Variants in ARHGAP26 observed in about 807,000 individuals in gnomAD.
ARHGAP26 encodes rho GTPase-activating protein 26.
ARHGAP26 carries 38 observed loss-of-function variants against 104.8 expected under a neutral mutation model. The ratio of observed to expected loss-of-function variants is 0.36; its 90% CI spans 0.28 to 0.48. The LOEUF (loss-of-function observed/expected upper bound fraction) is 0.48. Among genes scored for constraint, ARHGAP26 ranks in the 20% least tolerant of loss-of-function variants. The pLI, the probability that ARHGAP26 is intolerant of heterozygous loss-of-function variation, is 0.99. For missense variants in ARHGAP26, 704 were observed against 947.9 expected (o/e 0.74, Z 3.38); for synonymous variants, 341 against 340.0 (o/e 1.00, Z -0.03).
intron 17 of ARHGAP26, among the ~76,000 whole-genome samples, chr5:143,096,601 C>T (rs1219086818): frequency 6.6e-6 from 1 of 152,068 alleles, no homozygotes; most frequent in Non-Finnish European, 1.5e-5. Context: ...ACCTTTCCTC[C>T]TTCGTTATTA....
chr5:142,828,944 CG>C (rs1418046228), intron 1 of ARHGAP26, among the ~76,000 whole-genome samples: 1 of 152,182 alleles, frequency 6.6e-6, no homozygotes, highest in Non-Finnish European at 1.5e-5. Flanking sequence ...AGAAGGCCTG[CG>C]TATCTGTTTC....
At chr5:142,816,025 T>C (rs1765062551) in intron 1 of ARHGAP26, among the ~76,000 whole-genome samples, 1 of 152,068 alleles carries the variant, frequency 6.6e-6, no homozygotes, top group Non-Finnish European at 1.5e-5. Context: ...CTCAAACTCC[T>C]GGGCTGAAGC....
intron 11 of ARHGAP26, among the ~76,000 whole-genome samples, chr5:142,957,710 T>C (rs971338560): frequency 6.6e-6 from 1 of 152,244 alleles, no homozygotes; most frequent in Non-Finnish European, 1.5e-5. Context: ...CTGCTTTTTA[T>C]AGAAAGTGCT....
chr5:143,128,887 A>G (rs532286191), intron 18 of ARHGAP26, among the ~76,000 whole-genome samples: 2 of 152,306 alleles, frequency 1.3e-5, no homozygotes, highest in South Asian at 4.1e-4. Context: ...GTAGACTAGG[A>G]GCTCTTCGTC....
intron 22 of ARHGAP26, among the ~76,000 whole-genome samples, chr5:143,221,923 T>TGGAA (rs35244313): frequency 0.025 from 3,759 of 150,276 alleles, 79 homozygotes; most frequent in African/African-American, 0.06. Context: ...GGTGGATGGA[T>TGGAA]GGAAGGAAGG....
At chr5:143,032,453 C>G (rs1267228286) in intron 12 of ARHGAP26, among the ~76,000 whole-genome samples, 5 of 152,164 alleles carry the variant, frequency 3.3e-5, no homozygotes, top group Admixed American at 3.3e-4. Flanking sequence ...ACAGAAATTG[C>G]TAATAAATCC....
At chr5:143,079,358 C>G (rs1789484868) in intron 17 of ARHGAP26, among the ~76,000 whole-genome samples, 1 of 152,318 alleles carries the variant, frequency 6.6e-6, no homozygotes, top group East Asian at 1.9e-4. Flanking sequence ...TTCTCTGTTT[C>G]CAGCGTCCTC....
At chr5:142,866,117 C>G (rs1754239787) in intron 1 of ARHGAP26, among the ~76,000 whole-genome samples, 1 of 151,948 alleles carries the variant, frequency 6.6e-6, no homozygotes, top group Admixed American at 6.6e-5. Context: ...TTTTTGTCTA[C>G]TCTCTGATTG....
intron 12 of ARHGAP26, among the ~76,000 whole-genome samples, chr5:143,032,613 T>C (rs1209684052): frequency 2.0e-5 from 3 of 152,148 alleles, no homozygotes; most frequent in Non-Finnish European, 2.9e-5. Flanking sequence ...AACCTTTTAG[T>C]GGGAATTTGC....
intron 11 of ARHGAP26, among the ~76,000 whole-genome samples, chr5:142,990,100 G>A (rs1198154938): frequency 2.6e-5 from 4 of 152,176 alleles, no homozygotes; most frequent in Non-Finnish European, 5.9e-5. Flanking sequence ...CCAATCAGAT[G>A]TAGATTTGGT....
At chr5:143,094,943 A>G (rs1333364139) in intron 17 of ARHGAP26, among the ~76,000 whole-genome samples, 1 of 152,206 alleles carries the variant, frequency 6.6e-6, no homozygotes, top group Non-Finnish European at 1.5e-5. Flanking sequence ...GTTTAAAAGT[A>G]GAAGGCAAAG....
intron 1 of ARHGAP26, among the ~76,000 whole-genome samples, chr5:142,833,359 C>A (rs1004086638): frequency 3.3e-5 from 5 of 151,936 alleles, no homozygotes; most frequent in African/African-American, 9.7e-5. Context: ...CTGTGCCTGG[C>A]CCTTTTATTC....
intron 22 of ARHGAP26, 84 bp from the exon 23 acceptor site, chr5:143,222,246 TACACACACACACACACACACACACACAC>T: frequency 2.1e-6 from 1 of 478,500 alleles, no homozygotes; most frequent in Non-Finnish European, 3.6e-6. Flanking sequence ...GCTTCCTTCA[TACACACACACACACACACACACACACAC>T]ACACACACAC....
intron 8 of ARHGAP26, among the ~76,000 whole-genome samples, chr5:142,904,525 G>GAAAAA (rs10667047): frequency 1.5e-4 from 22 of 142,082 alleles, no homozygotes; most frequent in African/African-American, 4.9e-4. Context: ...TCTCTTAAAA[G>GAAAAA]AAAAAAAAAA....
chr5:142,924,386 G>T (rs1763620189), intron 10 of ARHGAP26, among the ~76,000 whole-genome samples: 3 of 152,206 alleles, frequency 2.0e-5, no homozygotes, highest in Admixed American at 6.5e-5. Context: ...CTGGGTTCAA[G>T]TGCAGGCTTT....
intron 17 of ARHGAP26, among the ~76,000 whole-genome samples, chr5:143,087,448 T>C (rs558845015): frequency 6.6e-6 from 1 of 152,228 alleles, no homozygotes; most frequent in African/African-American, 2.4e-5. Flanking sequence ...CTAACCCTTT[T>C]GTTTACTCAT....
In ARHGAP26 at chr5:142,829,415, CATG is replaced by C. The variant is rs1767957785; in HGVS notation, c.155-43982_155-43980del. Among the ~76,000 whole-genome samples, 11 of 152,286 alleles carry C rather than the reference CATG, an allele frequency of 7.2e-5. No homozygotes were observed. In the South Asian group the frequency reaches 2.1e-3, roughly 29 times the overall value. ...AGTGGCCTTTTCCCCCTTAGTAGAT[CATG>C]ATAAGAGTGAGATCACCTTCTTTTC... is the stretch of plus-strand genomic sequence containing the variant. On this transcript the variant is annotated intron_variant, in intron 1 of 22. Coordinates refer to ENST00000645722, the MANE Select transcript of ARHGAP26 (RefSeq NM_001135608.3).
Position 143,223,654 on chromosome 5 carries a change from A to G in ARHGAP26, c.*1208A>G, listed in dbSNP as rs556371360. 3 of 231,378 alleles carry G rather than the reference A, an allele frequency of 1.3e-5. No individual in the cohort carries two copies. The South Asian group carries it at 5.4e-4, about 42-fold the overall frequency. 14.3% of individuals were successfully genotyped at this position (231,378 alleles called of 1,614,324 possible). A position where few individuals can be genotyped will look rare whatever the true frequency, so the allele number is the denominator to read the frequency against. On this transcript the variant is annotated 3_prime_UTR_variant, in exon 23 of 23. Coordinates refer to ENST00000645722, the MANE Select transcript of ARHGAP26 (RefSeq NM_001135608.3). ...CAAGGTTAATTCCTAGGCTAACCGT[A>G]TGGCCTATAGTTTAAAAGCACATCT...
intron 1 of ARHGAP26, among the ~76,000 whole-genome samples, chr5:142,849,989 G>A (rs1298346221): frequency 6.6e-6 from 1 of 152,132 alleles, no homozygotes; most frequent in African/African-American, 2.4e-5. Context: ...TCAGACCCTG[G>A]CTACCTCTAA....
Sources: allele counts gnomAD v4.1 joint callset (sites outside exome capture counted in the v4.1 genomes callset), GRCh38; gene constraint gnomAD v4.1.1; transcripts MANE v1.5; gene names NCBI Gene and HGNC (gene_info 2026-07-23, HGNC 2026-07-21).